Variants in MYBBP1A observed in about 807,000 individuals in gnomAD.
The protein encoded by MYBBP1A is MYB binding protein 1a.
MYBBP1A carries 147 observed loss-of-function variants against 136.3 expected under a neutral mutation model. That is an observed-to-expected ratio of 1.08 (90% CI 0.94 to 1.24). The LOEUF (loss-of-function observed/expected upper bound fraction) is 1.24, where lower values mean the gene tolerates loss of function less well. Ranked by LOEUF, MYBBP1A falls within the 50% of genes most tolerant of loss-of-function variation. MYBBP1A has a pLI of 0.00. For synonymous variants in MYBBP1A, 947 were observed against 735.8 expected (o/e 1.29, Z -4.65); for missense variants, 2,060 against 1,727.4 (o/e 1.19, Z -3.41).
chr17:4,551,258 A>ATTTC (rs1907476720), intron 8 of MYBBP1A, among the ~76,000 whole-genome samples: 1 of 152,234 alleles, frequency 6.6e-6, no homozygotes, highest in East Asian at 1.9e-4. Flanking sequence ...ACCCAGCAGC[A>ATTTC]CTTACTGGGC....
Position 4,553,841 on chromosome 17 carries a change from G to A in MYBBP1A, c.530C>T (p.Pro177Leu). Residue 177 changes from proline to leucine, a missense_variant, in exon 5 of 26, where the codon CCC becomes CTC. Coordinates refer to ENST00000254718, the MANE Select transcript of MYBBP1A (RefSeq NM_014520.4). ...AQYQNHLQEQ[P>L]RKALVDILSE... ...GAGGATGTCCACCAGGGCCTTCCGG[G>A]GCTGCTCCTGCAAGTGGTTTTGGTA... 3.1e-6 allele frequency: 5 copies of A among 1,614,068 alleles called. No homozygotes were observed. The highest frequency in any genetic ancestry group is 4.2e-6 in the Non-Finnish European group (5 of 1,180,046).
chr17:4,554,639 C>T (rs999384215), intron 2 of MYBBP1A, among the ~76,000 whole-genome samples: 3 of 152,200 alleles, frequency 2.0e-5, no homozygotes, highest in African/African-American at 4.8e-5. Flanking sequence ...CCTAAGAGGC[C>T]GGGCAACCCA....
intron 8 of MYBBP1A, 101 bp from the exon 9 acceptor site, chr17:4,550,454 AACAGCCCG>A (rs1344465851): frequency 1.2e-5 from 16 of 1,378,602 alleles, no homozygotes; most frequent in African/African-American, 8.7e-5. Flanking sequence ...CCAACAGCCC[AACAGCCCG>A]GGGGCAGGCG....
At chr17:4,542,048 T>C (rs1049811354) in intron 22 of MYBBP1A, 157 bp from the exon 23 acceptor site, 39 of 622,638 alleles carry the variant, frequency 6.3e-5, no homozygotes, top group Admixed American at 1.7e-4. Context: ...TCCTGTGCCT[T>C]TGTGTGCAGG....
intron 2 of MYBBP1A, among the ~76,000 whole-genome samples, 173 bp from the exon 3 acceptor site, chr17:4,554,451 C>G (rs1907843457): frequency 6.6e-6 from 1 of 152,174 alleles, no homozygotes; most frequent in East Asian, 1.9e-4. Context: ...AAATGCTCAG[C>G]CACTGGGTCT....
Position 4,554,214 on chromosome 17 carries a change from TC to T in MYBBP1A, c.358del (p.Asp120ThrfsTer5). ...SILQQIQEKY[D>X]LHQVKKAMLR... ...TCTCACCTTCTTCACCTGATGCAGG[TC>T]ATATTTTTCTTGTATCTGCTGCAGG... On this transcript the variant is annotated frameshift_variant, in exon 3 of 26. Transcript: ENST00000254718. LOFTEE classifies it high-confidence loss of function. The T allele has an allele frequency of 6.2e-7, 1 of 1,613,946 alleles. No homozygotes were observed. The highest frequency in any genetic ancestry group is 8.5e-7 in the Non-Finnish European group (1 of 1,180,008).
At chr17:4,547,392 C>T (rs578242981) in intron 13 of MYBBP1A, among the ~76,000 whole-genome samples, 1 of 152,318 alleles carries the variant, frequency 6.6e-6, no homozygotes, top group East Asian at 1.9e-4. Flanking sequence ...TTTCCCCAAA[C>T]AGCTCATCCA....
rs748462931 is a variant in MYBBP1A at position 4,554,844 on chromosome 17, C to CA, written c.294+16dup. 6.2e-7 allele frequency: 1 copy of CA among 1,612,632 alleles called. No individual in the cohort carries two copies. The highest frequency in any genetic ancestry group is 1.1e-5 in the South Asian group (1 of 91,006). On this transcript the variant is annotated intron_variant, in intron 2 of 25. Transcript: ENST00000254718. Reference sequence around the variant, plus strand: ...TTGACCTGGATGGCTGGGACCCTGCCAGGAGCACCACCTCACCTGTGCCAG... The same window carrying CA: ...TTGACCTGGATGGCTGGGACCCTGCCAAGGAGCACCACCTCACCTGTGCCAG...
At chr17:4,541,335 G>T in intron 24 of MYBBP1A, 128 bp downstream of exon 24, 1 of 815,648 alleles carries the variant, frequency 1.2e-6, no homozygotes, top group Non-Finnish European at 2.0e-6. Flanking sequence ...CCTGGCCCAG[G>T]CACTGAGAAG....
chr17:4,539,384 G>A lies in MYBBP1A; in HGVS notation c.*31C>T, dbSNP rs1319048957. 1.0e-5 allele frequency: 16 copies of A among 1,549,020 alleles called. No individual in the cohort carries two copies. The highest frequency in any genetic ancestry group is 4.6e-5 in the East Asian group (2 of 43,836). ...AAAATAGGCGTCTCAGGCAGATGGAGGCAGGGGCTGAGGGGGGCCCGTACC... is the reference window on the plus strand; with the variant it reads ...AAAATAGGCGTCTCAGGCAGATGGAAGCAGGGGCTGAGGGGGGCCCGTACC... On this transcript the variant is annotated 3_prime_UTR_variant, in exon 26 of 26. Transcript: ENST00000254718.
intron 24 of MYBBP1A, among the ~76,000 whole-genome samples, chr17:4,541,106 G>A (rs1174930490): frequency 6.6e-6 from 1 of 152,148 alleles, no homozygotes; most frequent in Non-Finnish European, 1.5e-5. Context: ...CCACACTCCT[G>A]TACCAGGCCT....
Position 4,544,641 on chromosome 17 carries a change from C to A in MYBBP1A, c.2487G>T (p.Leu829=). The A allele has an allele frequency of 1.3e-6, 2 of 1,577,930 alleles. No homozygotes were observed. The highest frequency in any genetic ancestry group is 2.3e-5 in the East Asian group (1 of 43,668). The change falls in exon 19 of 26, where the codon CTG becomes CTT. Residue 829 remains leucine, a synonymous_variant. Coordinates refer to ENST00000254718, the MANE Select transcript of MYBBP1A (RefSeq NM_014520.4). The part of the protein sequence containing the change: ...ALRRDFQIRV[L]DLVEVLVTKQ... Reference sequence around the variant, plus strand: ...TGGTCACTAGCACCTCCACCAGGTCCAGCACCTGCAGCCAGGAGGGCAGGT... The same window carrying A: ...TGGTCACTAGCACCTCCACCAGGTCAAGCACCTGCAGCCAGGAGGGCAGGT...
At position 4,542,678 on chromosome 17, in the gene MYBBP1A, G is replaced by C; in HGVS notation, c.2956C>G (p.Leu986Val). The C allele has an allele frequency of 6.2e-7, 1 of 1,614,092 alleles. No homozygotes were observed. The highest frequency in any genetic ancestry group is 8.5e-7 in the Non-Finnish European group (1 of 1,179,948). Reference sequence around the variant, plus strand: ...GTGAGGGGGCTGTTGCGCTTGGTCAGGAAGGAGCTCAGTGCTGTCGAGTAC... The same window carrying C: ...GTGAGGGGGCTGTTGCGCTTGGTCACGAAGGAGCTCAGTGCTGTCGAGTAC... ...RVYSTALSSF[L>V]TKRNSPLTVP... The change falls in exon 21 of 26, where the codon CTG (leucine) becomes GTG (valine). Residue 986 changes from leucine to valine, a missense_variant. Transcript: ENST00000254718.
intron 13 of MYBBP1A, chr17:4,547,668 C>A: frequency 2.1e-5 from 8 of 376,688 alleles, no homozygotes; most frequent in South Asian, 7.6e-5. Context: ...GTGCAAGCTC[C>A]TTTGCCTCTG....
chr17:4,551,008 A>C (rs1455069935), intron 8 of MYBBP1A, among the ~76,000 whole-genome samples: 1 of 152,142 alleles, frequency 6.6e-6, no homozygotes, highest in Non-Finnish European at 1.5e-5. Flanking sequence ...TTTTCCTTTC[A>C]ATTTTTTAGA....
Position 4,548,548 on chromosome 17 carries a change from T to C in MYBBP1A, c.1532A>G (p.Glu511Gly), listed in dbSNP as rs139874472. 1.3e-3 allele frequency: 2,048 copies of C among 1,614,132 alleles called. 6 individuals are homozygous for C. Among genetic ancestry groups the C allele is most frequent in the Non-Finnish European group, 1.6e-3 (1,831 of 1,180,028 alleles). The change falls in exon 11 of 26, where the codon GAG (glutamate) becomes GGG (glycine). Residue 511 changes from glutamate to glycine, a missense_variant. Glu to Gly is a moderately conservative substitution (Grantham distance 98). Transcript: ENST00000254718. The surrounding 1 kb of genome is among the most constrained non-coding windows in gnomAD (Gnocchi z 4.2). ...CCTGAAGAAGGCACTGCTGACAGCC[T>C]CTCGGGCCTGGTTTTCCAAAGGGAA... Reference protein sequence around the residue: ...FSFPLENQAREAVSSAFFSLL... With the variant: ...FSFPLENQARGAVSSAFFSLL...
chr17:4,539,538 G>C lies in MYBBP1A; in HGVS notation c.3864C>G (p.Gly1288=). The C allele has an allele frequency of 1.2e-6, 2 of 1,614,120 alleles. No individual in the cohort carries two copies. The highest frequency in any genetic ancestry group is 2.2e-5 in the South Asian group (2 of 91,070). ...GTGCCAGCGCGGACAGTGGTGATTTGCCCAAGACCCCCTTTTTGGGAAGAG... is the reference window on the plus strand; with the variant it reads ...GTGCCAGCGCGGACAGTGGTGATTTCCCCAAGACCCCCTTTTTGGGAAGAG... The part of the protein sequence containing the change: ...QKALPKKGVL[G]KSPLSALARK... Residue 1288 remains glycine (G), a synonymous_variant, in exon 26 of 26, where the codon GGC becomes GGG. Coordinates refer to ENST00000254718, the MANE Select transcript of MYBBP1A (RefSeq NM_014520.4).
chr17:4,540,263 G>GTGTGCAGCAGCA (rs1567602317), intron 25 of MYBBP1A, 85 bp downstream of exon 25: 2 of 1,478,228 alleles, frequency 1.4e-6, no homozygotes, highest in African/African-American at 2.9e-5. Flanking sequence ...GTGCAGCAGC[G>GTGTGCAGCAGCA]TGTGTGCAGC....
chr17:4,550,459 C>A (rs576620985), intron 8 of MYBBP1A, 106 bp from the exon 9 acceptor site: 18 of 1,346,596 alleles, frequency 1.3e-5, no homozygotes, highest in Non-Finnish European at 1.8e-5. Context: ...AGCCCAACAG[C>A]CCGGGGGCAG....
Sources: gnomAD v4.1 joint callset for allele counts (sites outside exome capture counted in the v4.1 genomes callset) on GRCh38, gnomAD v4.1.1 for gene constraint, Gnocchi (gnomAD v3.1) non-coding constraint, MANE v1.5 for transcripts, NCBI Gene and HGNC (gene_info 2026-07-23, HGNC 2026-07-21) for gene names.